The following FGGY variants were observed in gnomAD, a reference collection of about 807,000 sequenced individuals.
The protein encoded by FGGY is FGGY carbohydrate kinase domain containing, also known as FGGY carbohydrate kinase domain-containing protein.
Under a neutral mutation model 71.3 loss-of-function variants are expected in FGGY, and 72 were observed. The ratio of observed to expected loss-of-function variants is 1.01; its 90% CI spans 0.84 to 1.23. FGGY has a LOEUF of 1.23. Among genes scored for constraint, FGGY ranks in the 50% most tolerant of loss-of-function variants. The pLI is 0.00. For missense variants in FGGY, 668 were observed against 682.3 expected (o/e 0.98, Z 0.23); for synonymous variants, 251 against 250.3 (o/e 1.00, Z -0.02).
At chr1:59,601,063 G>A (rs370501801) in intron 8 of FGGY, among the ~76,000 whole-genome samples, 131 of 149,346 alleles carry the variant, frequency 8.8e-4, no homozygotes, top group African/African-American at 3.1e-3. Flanking sequence ...CTAGTAAGAC[G>A]ATAGCACCGT....
intron 10 of FGGY, among the ~76,000 whole-genome samples, chr1:59,632,848 A>G (rs1199799730): frequency 6.6e-6 from 1 of 152,064 alleles, no homozygotes; most frequent in Non-Finnish European, 1.5e-5. Flanking sequence ...ATCACTGAAT[A>G]TTTACTTAGC....
At chr1:59,456,584 G>A (rs2091720399) in intron 5 of FGGY, among the ~76,000 whole-genome samples, 1 of 152,050 alleles carries the variant, frequency 6.6e-6, no homozygotes, top group African/African-American at 2.4e-5. Flanking sequence ...GAGTAGCTGG[G>A]ACTAGAGGCA....
At chr1:59,624,239 T>A (rs574793027) in intron 9 of FGGY, among the ~76,000 whole-genome samples, 1 of 152,244 alleles carries the variant, frequency 6.6e-6, no homozygotes, top group Non-Finnish European at 1.5e-5. Context: ...GTAGACAATA[T>A]GACGTGGTGG....
chr1:59,694,097 C>T (rs776271554), intron 14 of FGGY, among the ~76,000 whole-genome samples: 26 of 151,468 alleles, frequency 1.7e-4, no homozygotes, highest in Non-Finnish European at 3.2e-4. Flanking sequence ...GTCAGGAGAT[C>T]GAGACCACGG....
intron 4 of FGGY, among the ~76,000 whole-genome samples, chr1:59,373,863 G>T (rs2058165317): frequency 2.0e-5 from 3 of 152,226 alleles, no homozygotes; most frequent in African/African-American, 7.2e-5. Flanking sequence ...GGAGAAAGCT[G>T]AAACTGGATC....
At chr1:59,634,282 C>G (rs1010085966) in intron 10 of FGGY, among the ~76,000 whole-genome samples, 1 of 152,130 alleles carries the variant, frequency 6.6e-6, no homozygotes, top group African/African-American at 2.4e-5. Context: ...TGGCACACGC[C>G]TGTAGTCCCA....
intron 5 of FGGY, among the ~76,000 whole-genome samples, chr1:59,419,943 C>G (rs2065127155): frequency 6.6e-6 from 1 of 152,058 alleles, no homozygotes; most frequent in African/African-American, 2.4e-5. Flanking sequence ...AGTTGGCTTT[C>G]CATTTGTAAG....
At chr1:59,617,017 A>C (rs1204281285) in intron 9 of FGGY, among the ~76,000 whole-genome samples, 1 of 152,136 alleles carries the variant, frequency 6.6e-6, no homozygotes, top group African/African-American at 2.4e-5. Flanking sequence ...TTCTCTTGTA[A>C]ATTCCAATCT....
intron 7 of FGGY, among the ~76,000 whole-genome samples, chr1:59,524,513 C>T (rs2094923064): frequency 6.6e-6 from 1 of 152,214 alleles, no homozygotes; most frequent in African/African-American, 2.4e-5. Context: ...CCCATGGCTA[C>T]CCATGGACCA....
At chr1:59,503,828 A>G (rs1332260366) in intron 6 of FGGY, among the ~76,000 whole-genome samples, 1 of 151,922 alleles carries the variant, frequency 6.6e-6, no homozygotes, top group Non-Finnish European at 1.5e-5. Context: ...AGCCCTTATT[A>G]TAACATTGGG....
At chr1:59,632,040 T>C (rs2096912983) in intron 10 of FGGY, among the ~76,000 whole-genome samples, 1 of 152,194 alleles carries the variant, frequency 6.6e-6, no homozygotes, top group East Asian at 1.9e-4. Context: ...AGATTCAAGG[T>C]TGGCAGCAAA....
intron 9 of FGGY, among the ~76,000 whole-genome samples, chr1:59,619,218 A>G (rs1469971502): frequency 1.3e-5 from 2 of 152,090 alleles, no homozygotes; most frequent in African/African-American, 4.8e-5. Context: ...TATTTGAGGT[A>G]CTGTTCTGAG....
intron 1 of FGGY, among the ~76,000 whole-genome samples, chr1:59,308,219 G>C (rs1456263605): frequency 6.6e-6 from 1 of 152,192 alleles, no homozygotes; most frequent in Admixed American, 6.5e-5. Context: ...ATGGAGAAAA[G>C]AAGACCCAAC....
At chr1:59,404,794 T>C (rs900063784) in intron 5 of FGGY, among the ~76,000 whole-genome samples, 1 of 152,186 alleles carries the variant, frequency 6.6e-6, no homozygotes, top group Non-Finnish European at 1.5e-5. Flanking sequence ...ACCTAGCATC[T>C]GGGTGTCTGC....
At chr1:59,630,283 C>T (rs1452078254) in intron 10 of FGGY, among the ~76,000 whole-genome samples, 1 of 152,034 alleles carries the variant, frequency 6.6e-6, no homozygotes, top group African/African-American at 2.4e-5. Flanking sequence ...GGGACACAGC[C>T]AAACCATATC....
At chr1:59,760,698 A>T (rs2098334087) in intron 15 of FGGY, among the ~76,000 whole-genome samples, 1 of 152,246 alleles carries the variant, frequency 6.6e-6, no homozygotes, top group South Asian at 2.1e-4. Flanking sequence ...CCACAAAAAG[A>T]CAAATACTGC....
chr1:59,633,788 G>C (rs1174818193), intron 10 of FGGY, among the ~76,000 whole-genome samples: 1 of 152,190 alleles, frequency 6.6e-6, no homozygotes, highest in Non-Finnish European at 1.5e-5. Flanking sequence ...CTCAGCACTA[G>C]ATGGTAACTG....
At position 59,308,398 on chromosome 1, in the gene FGGY, A is replaced by G. The variant is rs112302523; in HGVS notation, c.-15+11248A>G. On this transcript the variant is annotated intron_variant, in intron 1 of 15. Coordinates refer to ENST00000303721, the MANE Select transcript of FGGY (RefSeq NM_018291.5). Reference sequence around the variant, plus strand: ...GAAGGTCTTCCTTCCTATTACTGTAATAGCTGCTCATTGAGAACATTCAGA... The same window carrying G: ...GAAGGTCTTCCTTCCTATTACTGTAGTAGCTGCTCATTGAGAACATTCAGA... Among the ~76,000 whole-genome samples the G allele has an allele frequency of 7.8e-3, 1,183 of 152,308 alleles. 10 individuals carry two copies. Among genetic ancestry groups the G allele is most frequent in the South Asian group, 0.022 (105 of 4,824 alleles).
intron 9 of FGGY, 77 bp downstream of exon 9, chr1:59,607,987 T>C (rs974474036): frequency 2.5e-6 from 3 of 1,195,852 alleles, no homozygotes; most frequent in Non-Finnish European, 2.5e-6. Flanking sequence ...ATGACCCATA[T>C]ACCCAATATC....
Sources: allele counts gnomAD v4.1 joint callset (sites outside exome capture counted in the v4.1 genomes callset), GRCh38; gene constraint gnomAD v4.1.1; transcripts MANE v1.5; gene names NCBI Gene and HGNC (gene_info 2026-07-23, HGNC 2026-07-21).